The following CADM2 variants were observed in gnomAD, a reference collection of about 807,000 sequenced individuals.
CADM2 encodes immunoglobulin superfamily member 4D.
In CADM2, 12 loss-of-function variants were observed where a neutral mutation model predicts 49.8. The observed-to-expected ratio is 0.24, with a 90% CI of 0.15 to 0.39. The LOEUF is 0.39. Ranked by LOEUF, CADM2 falls within the 10% of genes least tolerant of loss-of-function variation. The probability of loss-of-function intolerance (pLI) is 1.00; values close to 1 mark genes in which losing one functional copy is unlikely to be tolerated. For missense variants in CADM2, 378 were observed against 492.3 expected, an observed-to-expected ratio of 0.77 and a Z score of 2.20; for synonymous variants, 214 against 175.4, an observed-to-expected ratio of 1.22 and a Z score of -1.74.
chr3:85,258,781 T>A (rs1033516367), intron 1 of CADM2, among the ~76,000 whole-genome samples: 2 of 152,152 alleles, frequency 1.3e-5, no homozygotes, highest in Non-Finnish European at 2.9e-5. Flanking sequence ...ATGTTCCAGG[T>A]AAAATGGAAC....
chr3:85,504,883 G>A (rs941620837), intron 1 of CADM2, among the ~76,000 whole-genome samples: 1 of 152,126 alleles, frequency 6.6e-6, no homozygotes, highest in South Asian at 2.1e-4. Context: ...GGCACTGCTG[G>A]GGGACCCAGT....
intron 8 of CADM2, among the ~76,000 whole-genome samples, chr3:86,037,501 A>T (rs1398943678): frequency 6.6e-6 from 1 of 152,128 alleles, no homozygotes; most frequent in Admixed American, 6.6e-5. Context: ...TTATGGACAC[A>T]TTTTCTTGGG....
At chr3:85,214,838 C>T (rs78343455) in intron 1 of CADM2, among the ~76,000 whole-genome samples, 10,872 of 151,870 alleles carry the variant, frequency 0.072, 1,307 homozygotes, top group African/African-American at 0.25. Context: ...GTCGTGAGTC[C>T]CTCCCTTCAG....
chr3:85,884,403 C>A (rs565984709), intron 4 of CADM2, among the ~76,000 whole-genome samples: 1 of 152,250 alleles, frequency 6.6e-6, no homozygotes, highest in African/African-American at 2.4e-5. Context: ...CTGCAAGTGA[C>A]ACTGGGACTA....
At chr3:85,219,093 A>G (rs2041992410) in intron 1 of CADM2, among the ~76,000 whole-genome samples, 1 of 152,200 alleles carries the variant, frequency 6.6e-6, no homozygotes, top group African/African-American at 2.4e-5. Flanking sequence ...TAGAATGCAT[A>G]GGAGGTATTA....
At chr3:86,040,794 T>C (rs1186862356) in intron 8 of CADM2, among the ~76,000 whole-genome samples, 2 of 151,838 alleles carry the variant, frequency 1.3e-5, no homozygotes, top group African/African-American at 4.8e-5. Flanking sequence ...ATTCACAAAA[T>C]TGAAATGAAG....
chr3:85,358,392 A>G (rs939517605), intron 1 of CADM2, among the ~76,000 whole-genome samples: 1 of 151,862 alleles, frequency 6.6e-6, no homozygotes, highest in African/African-American at 2.4e-5. Context: ...TTTTCCAAAA[A>G]AAATATATAT....
At chr3:85,561,758 A>G (rs9864170) in intron 1 of CADM2, among the ~76,000 whole-genome samples, 103,477 of 151,840 alleles carry the variant, frequency 0.68, 40,667 homozygotes, top group East Asian at 0.86. Context: ...CCTTTTTTTT[A>G]GGCAAGTGAG....
chr3:85,160,437 C>T (rs1202356668), intron 1 of CADM2, among the ~76,000 whole-genome samples: 1 of 152,100 alleles, frequency 6.6e-6, no homozygotes, highest in African/African-American at 2.4e-5. Flanking sequence ...TTATAAAGTG[C>T]ACAGGAACGC....
At chr3:85,876,898 C>A (rs534179884) in intron 3 of CADM2, among the ~76,000 whole-genome samples, 1 of 152,050 alleles carries the variant, frequency 6.6e-6, no homozygotes, top group Non-Finnish European at 1.5e-5. Flanking sequence ...TGAAATCCTC[C>A]AATTAGTTGT....
chr3:85,848,976 C>T (rs553937640), intron 3 of CADM2, among the ~76,000 whole-genome samples: 8 of 152,248 alleles, frequency 5.3e-5, no homozygotes, highest in Middle Eastern at 6.8e-3. Flanking sequence ...AGATTCAAGA[C>T]ATGAATCCGG....
chr3:85,499,645 G>A (rs184232133), intron 1 of CADM2, among the ~76,000 whole-genome samples: 80 of 151,646 alleles, frequency 5.3e-4, no homozygotes, highest in Non-Finnish European at 7.2e-4. Context: ...AGATGAATGC[G>A]TTCCTTTGAT....
In CADM2 at chr3:85,327,152, A is replaced by G. The variant is rs968510591; in HGVS notation, c.61+367484A>G. On this transcript the variant is annotated intron_variant, in intron 1 of 9. Transcript: ENST00000383699. ...GACATGGCTGAGAATTCTATCCTAC[A>G]ATTCTAAGATCTAAGGCTTCTAAAA... is the stretch of plus-strand genomic sequence containing the variant. Among the ~76,000 whole-genome samples, 5 of 152,154 alleles carry G rather than the reference A, an allele frequency of 3.3e-5. No homozygotes were observed. The East Asian group carries it at 9.7e-4, about 29-fold the overall frequency.
chr3:85,260,443 G>GA (rs2042991218), intron 1 of CADM2, among the ~76,000 whole-genome samples: 1 of 152,192 alleles, frequency 6.6e-6, no homozygotes, highest in Non-Finnish European at 1.5e-5. Context: ...ATTTCATCTA[G>GA]AAAAAAGTAG....
rs936343746 is a variant in CADM2, at chr3:85,295,133, C to T, written c.61+335465C>T. 1.6e-3 allele frequency among the ~76,000 whole-genome samples: 242 copies of T among 152,226 alleles called. 1 individual carries two copies. Among genetic ancestry groups the T allele is most frequent in the African/African-American group, 5.3e-3 (221 of 41,538 alleles). ...ACCCCATCAAAAAGTGGGCAAAGGACATGAACAGACACTTCTCAAAAGAAG... is the reference window on the plus strand; with the variant it reads ...ACCCCATCAAAAAGTGGGCAAAGGATATGAACAGACACTTCTCAAAAGAAG... On this transcript the variant is annotated intron_variant, in intron 1 of 9. Coordinates refer to ENST00000383699, the MANE Select transcript of CADM2 (RefSeq NM_001167675.2).
chr3:84,985,745 TA>T (rs1459733193), intron 1 of CADM2, among the ~76,000 whole-genome samples: 5 of 152,214 alleles, frequency 3.3e-5, no homozygotes, highest in African/African-American at 1.2e-4. Context: ...TAAAAGCAGT[TA>T]TCTTAGTAGA....
intron 1 of CADM2, among the ~76,000 whole-genome samples, chr3:85,371,375 A>G (rs931708291): frequency 6.6e-6 from 1 of 151,962 alleles, no homozygotes; most frequent in Non-Finnish European, 1.5e-5. Flanking sequence ...CTATGTTTAC[A>G]TATGTTTAGA....
chr3:85,361,299 T>G (rs1019427527), intron 1 of CADM2, among the ~76,000 whole-genome samples: 1 of 152,156 alleles, frequency 6.6e-6, no homozygotes, highest in African/African-American at 2.4e-5. Flanking sequence ...GGAAACATAT[T>G]TCACTGGTCA....
At chr3:85,240,604 A>G (rs1191947174) in intron 1 of CADM2, among the ~76,000 whole-genome samples, 2 of 151,516 alleles carry the variant, frequency 1.3e-5, no homozygotes, top group South Asian at 4.1e-4. Flanking sequence ...TAGCAATATC[A>G]ATGGGGCAAG....
Sources: allele counts gnomAD v4.1 joint callset (sites outside exome capture counted in the v4.1 genomes callset), GRCh38; gene constraint gnomAD v4.1.1; transcripts MANE v1.5; gene names NCBI Gene and HGNC (gene_info 2026-07-23, HGNC 2026-07-21).